Variants in PTPRD observed in about 807,000 individuals in gnomAD.
The protein encoded by PTPRD is receptor-type tyrosine-protein phosphatase delta.
A neutral mutation model predicts 214.5 loss-of-function variants in PTPRD; 34 were observed. The ratio of observed to expected loss-of-function variants is 0.16; its 90% CI spans 0.12 to 0.21. The LOEUF is 0.21. PTPRD is among the 10% of genes least tolerant of loss of function. The pLI is 1.00. For missense variants in PTPRD, 2,545 were observed against 2,398.7 expected (o/e 1.06, Z -1.27); for synonymous variants, 1,128 against 845.7 (o/e 1.33, Z -5.79).
chr9:8,956,070 G>A (rs962318037), intron 11 of PTPRD, among the ~76,000 whole-genome samples: 2 of 151,846 alleles, frequency 1.3e-5, no homozygotes, highest in Non-Finnish European at 2.9e-5. Context: ...GCTGAATTAT[G>A]GTGGAAATCC....
intron 8 of PTPRD, among the ~76,000 whole-genome samples, chr9:9,438,243 T>C (rs1018105004): frequency 1.3e-5 from 2 of 152,112 alleles, no homozygotes; most frequent in African/African-American, 2.4e-5. Context: ...TTTGGGAAGA[T>C]ACAAGTCAAC....
At chr9:8,684,255 A>C (rs2097625683) in intron 12 of PTPRD, among the ~76,000 whole-genome samples, 1 of 152,212 alleles carries the variant, frequency 6.6e-6, no homozygotes, top group African/African-American at 2.4e-5. Flanking sequence ...TCTCTGCAAA[A>C]TAAAAACAAG....
intron 11 of PTPRD, among the ~76,000 whole-genome samples, chr9:8,793,984 A>G (rs959095195): frequency 2.6e-5 from 4 of 152,228 alleles, no homozygotes; most frequent in Non-Finnish European, 5.9e-5. Flanking sequence ...TCCCTGCAGC[A>G]CAGCTGTGAT....
At chr9:9,157,681 C>T (rs1413819434) in intron 10 of PTPRD, among the ~76,000 whole-genome samples, 1 of 152,112 alleles carries the variant, frequency 6.6e-6, no homozygotes, top group African/African-American at 2.4e-5. Context: ...TGAATTATAA[C>T]CAACATTTAT....
intron 12 of PTPRD, among the ~76,000 whole-genome samples, chr9:8,709,540 A>G (rs1235191023): frequency 6.6e-6 from 1 of 151,446 alleles, no homozygotes; most frequent in African/African-American, 2.4e-5. Context: ...AAGAAAAAGA[A>G]AAAGAAAAAG....
intron 3 of PTPRD, among the ~76,000 whole-genome samples, chr9:10,061,701 C>T (rs947399428): frequency 6.6e-6 from 1 of 151,974 alleles, no homozygotes; most frequent in Admixed American, 6.6e-5. Context: ...AATGAAAGGA[C>T]AAGAAACATT....
chr9:10,268,292 T>C (rs2094205026), intron 3 of PTPRD, among the ~76,000 whole-genome samples: 1 of 32,246 alleles, frequency 3.1e-5, no homozygotes, highest in Non-Finnish European at 1.1e-4. Flanking sequence ...TCTGTTGCTA[T>C]AAATAATAAT....
chr9:10,291,126 T>G (rs1004821388), intron 3 of PTPRD, among the ~76,000 whole-genome samples: 9 of 152,070 alleles, frequency 5.9e-5, no homozygotes, highest in Admixed American at 3.9e-4. Context: ...CTAAGGGGCT[T>G]CTGAGAAAGG....
At chr9:8,479,514 G>T (rs2096836160) in intron 30 of PTPRD, among the ~76,000 whole-genome samples, 1 of 152,010 alleles carries the variant, frequency 6.6e-6, no homozygotes, top group Admixed American at 6.6e-5. Context: ...TATAGAAGCG[G>T]AAAGTGCATA....
chr9:9,819,878 C>A (rs781379668), intron 5 of PTPRD, among the ~76,000 whole-genome samples: 2 of 152,006 alleles, frequency 1.3e-5, no homozygotes, highest in African/African-American at 2.4e-5. Flanking sequence ...ACCACATTTT[C>A]TTTGTTCAGT....
chr9:10,130,002 C>G (rs974507198), intron 3 of PTPRD, among the ~76,000 whole-genome samples: 2 of 151,336 alleles, frequency 1.3e-5, no homozygotes, highest in Non-Finnish European at 2.9e-5. Flanking sequence ...AATAATATTG[C>G]TGAAAATTAA....
At chr9:8,938,891 G>T (rs1166092947) in intron 11 of PTPRD, among the ~76,000 whole-genome samples, 2 of 152,066 alleles carry the variant, frequency 1.3e-5, no homozygotes, top group Non-Finnish European at 2.9e-5. Flanking sequence ...TCCCTTCATT[G>T]CCATGTAATA....
intron 9 of PTPRD, among the ~76,000 whole-genome samples, chr9:9,318,170 C>CA (rs1363774241): frequency 8.3e-6 from 1 of 120,214 alleles, no homozygotes; most frequent in African/African-American, 3.2e-5. Context: ...AAAACTCCAT[C>CA]AAAAAAAGAA....
At chr9:9,315,833 CTTTTT>C (rs566821610) in intron 9 of PTPRD, among the ~76,000 whole-genome samples, 3 of 93,314 alleles carry the variant, frequency 3.2e-5, no homozygotes, top group African/African-American at 1.2e-4. Flanking sequence ...TAGCAGACAA[CTTTTT>C]TTTTTTTTTT....
rs897572676 is a variant in PTPRD, at chr9:8,316,191, G to A, written c.*1683C>T. 4.4e-6 allele frequency: 1 copy of A among 229,168 alleles called. No individual in the cohort carries two copies. Among genetic ancestry groups the A allele is most frequent in the African/African-American group, 2.2e-5 (1 of 45,046 alleles). 14.2% of individuals were successfully genotyped at this position (229,168 alleles called of 1,614,324 possible). A position where few individuals can be genotyped will look rare whatever the true frequency, so the allele number is the denominator to read the frequency against. On this transcript the variant is annotated 3_prime_UTR_variant, in exon 46 of 46. Coordinates refer to ENST00000381196, the MANE Select transcript of PTPRD (RefSeq NM_002839.4). ...TACAATCACTAACATCCCCGACTTG[G>A]CTGAAAACTAGGAATGCATATTATT...
chr9:10,580,296 T>A (rs2071258271), intron 2 of PTPRD, among the ~76,000 whole-genome samples: 1 of 152,216 alleles, frequency 6.6e-6, no homozygotes, highest in African/African-American at 2.4e-5. Flanking sequence ...GATATGACTA[T>A]GCCATTTTTA....
At chr9:8,803,245 C>T (rs528915457) in intron 11 of PTPRD, among the ~76,000 whole-genome samples, 13 of 152,078 alleles carry the variant, frequency 8.5e-5, no homozygotes, top group African/African-American at 3.1e-4. Flanking sequence ...AAAAAAGTCC[C>T]CTTCTCTCTC....
At chr9:10,063,471 G>A (rs1299360905) in intron 3 of PTPRD, among the ~76,000 whole-genome samples, 3 of 152,008 alleles carry the variant, frequency 2.0e-5, no homozygotes, top group South Asian at 2.1e-4. Context: ...AAATCTTGGG[G>A]TTTATGATCT....
At chr9:10,473,963 T>C (rs139828048) in intron 2 of PTPRD, among the ~76,000 whole-genome samples, 6,899 of 151,934 alleles carry the variant, frequency 0.045, 469 homozygotes, top group African/African-American at 0.15. Context: ...CCAGGCCTGC[T>C]TTACAAGAGC....
Sources: allele counts gnomAD v4.1 joint callset (sites outside exome capture counted in the v4.1 genomes callset), GRCh38; gene constraint gnomAD v4.1.1; transcripts MANE v1.5; gene names NCBI Gene and HGNC (gene_info 2026-07-23, HGNC 2026-07-21).